The following HYDIN variants were observed in gnomAD, a reference collection of about 807,000 sequenced individuals.
The protein encoded by HYDIN is HYDIN axonemal central pair apparatus protein, also known as axonemal central pair apparatus protein HYDIN.
HYDIN carries 132 observed loss-of-function variants against 403.9 expected under a neutral mutation model. The ratio of observed to expected loss-of-function variants is 0.33; its 90% CI spans 0.28 to 0.38. The LOEUF (loss-of-function observed/expected upper bound fraction) is 0.38, where lower values mean the gene tolerates loss of function less well. Among genes scored for constraint, HYDIN ranks in the 10% least tolerant of loss-of-function variants. The pLI is 1.00. For synonymous variants in HYDIN, 1,202 were observed against 1,891.7 expected, an observed-to-expected ratio of 0.64 and a Z score of 9.46; for missense variants, 2,827 against 5,009.5, an observed-to-expected ratio of 0.56 and a Z score of 13.15.
chr16:71,090,969 CT>C (rs1186451812), intron 11 of HYDIN, among the ~76,000 whole-genome samples: 2 of 103,166 alleles, frequency 1.9e-5, no homozygotes, highest in Non-Finnish European at 3.9e-5. Flanking sequence ...CATGGATTGC[CT>C]TTTAGTTTTT....
chr16:71,041,981 A>G (rs1169201946), intron 18 of HYDIN, among the ~76,000 whole-genome samples: 1 of 151,776 alleles, frequency 6.6e-6, no homozygotes, highest in Non-Finnish European at 1.5e-5. Context: ...AATGGATTCA[A>G]AGGGTGAAGA....
At position 71,185,795 on chromosome 16, in the gene HYDIN, T is replaced by C. The variant is rs1047490935; in HGVS notation, c.136-805A>G. Among the ~76,000 whole-genome samples, 4 of 152,332 alleles carry C rather than the reference T, an allele frequency of 2.6e-5. No homozygotes were observed. The East Asian group carries it at 7.7e-4, about 29-fold the overall frequency. ...ATTATGATCATTGGCAGCTACACAATGCTCAAGTATATGCCAAGATTTTTA... is the reference window on the plus strand; with the variant it reads ...ATTATGATCATTGGCAGCTACACAACGCTCAAGTATATGCCAAGATTTTTA... On this transcript the variant is annotated intron_variant, in intron 2 of 85. Transcript: ENST00000393567.
intron 14 of HYDIN, among the ~76,000 whole-genome samples, chr16:71,067,841 G>C (rs991847665): frequency 6.6e-6 from 1 of 151,876 alleles, no homozygotes; most frequent in Non-Finnish European, 1.5e-5. Flanking sequence ...CCAGAAAATG[G>C]TGTAAGAAAT....
intron 83 of HYDIN, 100 bp from the exon 84 acceptor site, chr16:70,818,672 T>C: frequency 1.6e-6 from 1 of 611,986 alleles, no homozygotes; most frequent in Non-Finnish European, 2.9e-6. Context: ...TTAGCATTGT[T>C]TGGCACATGA....
chr16:70,961,141 G>C (rs1011986902), intron 38 of HYDIN, among the ~76,000 whole-genome samples: 3 of 152,030 alleles, frequency 2.0e-5, no homozygotes, highest in African/African-American at 7.2e-5. Context: ...GGGATGTCCA[G>C]GGTCAGCCCT....
intron 65 of HYDIN, 82 bp downstream of exon 65, chr16:70,871,955 T>A (rs901976661): frequency 1.0e-6 from 1 of 979,192 alleles, no homozygotes; most frequent in African/African-American, 1.7e-5. Flanking sequence ...ATTCCATGCA[T>A]CCACGGGAAA....
chr16:71,042,788 A>G (rs568632821), intron 18 of HYDIN, among the ~76,000 whole-genome samples: 1 of 152,286 alleles, frequency 6.6e-6, no homozygotes, highest in South Asian at 2.1e-4. Context: ...CTTGGAGACA[A>G]ATCTCTCCTG....
At chr16:71,207,835 CATA>C in intron 1 of HYDIN, among the ~76,000 whole-genome samples, 1 of 152,248 alleles carries the variant, frequency 6.6e-6, no homozygotes, top group South Asian at 2.1e-4. Flanking sequence ...TAGGGCATTA[CATA>C]ATGATGAAAG....
At chr16:71,046,914 G>C (rs2081469036) in intron 18 of HYDIN, among the ~76,000 whole-genome samples, 1 of 151,994 alleles carries the variant, frequency 6.6e-6, no homozygotes, top group Admixed American at 6.6e-5. Context: ...TCTCTTAAAA[G>C]GGACATAAAT....
intron 23 of HYDIN, among the ~76,000 whole-genome samples, chr16:71,000,987 A>G (rs2079689004): frequency 6.6e-6 from 1 of 150,656 alleles, no homozygotes; most frequent in African/African-American, 2.4e-5. Flanking sequence ...TGCACATACA[A>G]TGTAGTTTCA....
chr16:71,135,041 G>C (rs1158933863), intron 8 of HYDIN, among the ~76,000 whole-genome samples: 2 of 152,174 alleles, frequency 1.3e-5, no homozygotes, highest in Non-Finnish European at 2.9e-5. Context: ...GTCACACAGA[G>C]TGAAAGTGGT....
rs542274990 is a variant in HYDIN, at chr16:70,892,546, A to C, written c.9249-17T>G. On this transcript the variant is annotated splice_polypyrimidine_tract_variant and intron_variant, in intron 55 of 85. Transcript: ENST00000393567. ...ACGGAAAAGCTGAAAGACAAGAATA[A>C]GAAGTCAGCCTAGGTCATTATCCCG... The C allele has an allele frequency of 5.0e-6, 8 of 1,606,048 alleles. 1 individual carries two copies. The South Asian group carries it at 8.9e-5, about 18-fold the overall frequency.
intron 18 of HYDIN, among the ~76,000 whole-genome samples, chr16:71,033,193 A>C (rs1217976328): frequency 5.3e-5 from 8 of 152,234 alleles, no homozygotes; most frequent in Non-Finnish European, 1.2e-4. Flanking sequence ...AATGGAATTC[A>C]TAAGGAGGCC....
chr16:70,979,960 A>G (rs1300180743), intron 29 of HYDIN, among the ~76,000 whole-genome samples: 2 of 152,056 alleles, frequency 1.3e-5, no homozygotes, highest in African/African-American at 4.8e-5. Flanking sequence ...AAAGCCTATT[A>G]TAAAACAATA....
intron 75 of HYDIN, among the ~76,000 whole-genome samples, chr16:70,845,337 T>G: frequency 7.9e-5 from 2 of 25,242 alleles, no homozygotes; most frequent in Non-Finnish European, 1.3e-4. Context: ...ATATGCTGGA[T>G]TACATTTATT....
At chr16:71,015,998 T>C (rs2080246196) in intron 23 of HYDIN, among the ~76,000 whole-genome samples, 1 of 152,034 alleles carries the variant, frequency 6.6e-6, no homozygotes, top group Admixed American at 6.6e-5. Context: ...CCCATTGAAA[T>C]ATGTAAAACA....
At chr16:70,882,417 A>G (rs1224773411) in intron 60 of HYDIN, among the ~76,000 whole-genome samples, 2 of 152,220 alleles carry the variant, frequency 1.3e-5, no homozygotes, top group Non-Finnish European at 2.9e-5. Context: ...GTGAGCATTC[A>G]ATGGAGGAAT....
At chr16:70,888,810 C>T (rs1385413525) in intron 58 of HYDIN, among the ~76,000 whole-genome samples, 1 of 152,132 alleles carries the variant, frequency 6.6e-6, no homozygotes, top group Admixed American at 6.5e-5. Context: ...TTGGCCTTTG[C>T]TAGCAGAGGT....
At chr16:70,937,728 T>A (rs979466288) in intron 44 of HYDIN, among the ~76,000 whole-genome samples, 1 of 144,720 alleles carries the variant, frequency 6.9e-6, no homozygotes, top group Non-Finnish European at 1.5e-5. Context: ...GCAAAAGCTG[T>A]TTCAGGTCAG....
Sources: allele counts gnomAD v4.1 joint callset (sites outside exome capture counted in the v4.1 genomes callset), GRCh38; gene constraint gnomAD v4.1.1; transcripts MANE v1.5; gene names NCBI Gene and HGNC (gene_info 2026-07-23, HGNC 2026-07-21).